Variants in CARD14 observed in about 807,000 individuals in gnomAD.
The protein encoded by CARD14 is caspase recruitment domain-containing protein 14.
In CARD14, 107 loss-of-function variants were observed where a neutral mutation model predicts 111.5. The observed-to-expected ratio is 0.96, with a 90% CI of 0.82 to 1.13. The LOEUF (loss-of-function observed/expected upper bound fraction) is 1.13. CARD14 is among the 50% of genes most tolerant of loss of function. The probability of loss-of-function intolerance (pLI) is 0.00; values close to 1 mark genes in which losing one functional copy is unlikely to be tolerated. For missense variants in CARD14, 1,322 were observed against 1,362.3 expected (o/e 0.97, Z 0.47); for synonymous variants, 617 against 579.6 (o/e 1.06, Z -0.93).
rs2041131423 is a variant in CARD14, at chr17:80,203,963, G to T, written c.2283+78G>T. On this transcript the variant is annotated intron_variant, in intron 19 of 23. Coordinates refer to ENST00000648509, the MANE Select transcript of CARD14 (RefSeq NM_001366385.1). This position sits in a 1 kb window ranked among gnomAD's most constrained non-coding sequence, Gnocchi z 4.6. ...CTCGGTGCTGGCAGGGTGGCAGGAG[G>T]CACTGTGTGGAGAGTGGGCTGCTGA... The T allele has an allele frequency of 1.6e-6, 2 of 1,213,364 alleles. No individual in the cohort carries two copies. The highest frequency in any genetic ancestry group is 2.3e-6 in the Non-Finnish European group (2 of 852,244). 75.2% of individuals were successfully genotyped at this position (1,213,364 alleles called of 1,614,324 possible). A position where few individuals can be genotyped will look rare whatever the true frequency, so the allele number is the denominator to read the frequency against.
At chr17:80,183,712 C>T (rs1406011498) in intron 6 of CARD14, among the ~76,000 whole-genome samples, 3 of 152,168 alleles carry the variant, frequency 2.0e-5, no homozygotes, top group Non-Finnish European at 2.9e-5. Flanking sequence ...ACCGGCCCAT[C>T]TGTGCACCTG....
rs555499258 is a variant in CARD14, at chr17:80,182,382, C to T, written c.212-271C>T. Among the ~76,000 whole-genome samples, 6 of 152,360 alleles carry T rather than the reference C, an allele frequency of 3.9e-5. No individual in the cohort carries two copies. The highest frequency in any genetic ancestry group is 7.2e-5 in the African/African-American group (3 of 41,590). ...CACCCCGTCCCGGTCCCCCCGCACT[C>T]GCCAGAGCACTGGGGTTGCAGTAGT... On this transcript the variant is annotated intron_variant, in intron 5 of 23. Coordinates refer to ENST00000648509, the MANE Select transcript of CARD14 (RefSeq NM_001366385.1). The surrounding 1 kb of genome is among the most constrained non-coding windows in gnomAD (Gnocchi z 4.7).
At chr17:80,191,552 GC>G in intron 11 of CARD14, 80 bp downstream of exon 11, 5 of 1,538,114 alleles carry the variant, frequency 3.3e-6, no homozygotes, top group Middle Eastern at 2.3e-4. Flanking sequence ...CTCCAGGGTG[GC>G]CCATGGAGGC....
In CARD14 at chr17:80,181,338, T is replaced by C. The variant is rs930019207; in HGVS notation, c.-20-81T>C. The C allele has an allele frequency of 2.8e-5, 30 of 1,057,106 alleles. No individual in the cohort carries two copies. In the African/African-American group the frequency reaches 4.0e-4, roughly 14 times the overall value. 65.5% of individuals were successfully genotyped at this position (1,057,106 alleles called of 1,614,324 possible). ...GCGCCTTGCTAATTTTACGATGGAGTTGATTTTAAAACGGTGTCACCCTGG... is the reference window on the plus strand; with the variant it reads ...GCGCCTTGCTAATTTTACGATGGAGCTGATTTTAAAACGGTGTCACCCTGG... On this transcript the variant is annotated intron_variant, in intron 4 of 23. Coordinates refer to ENST00000648509, the MANE Select transcript of CARD14 (RefSeq NM_001366385.1).
At chr17:80,207,419 C>T (rs904326230) in intron 23 of CARD14, among the ~76,000 whole-genome samples, 1 of 152,140 alleles carries the variant, frequency 6.6e-6, no homozygotes, top group Non-Finnish European at 1.5e-5. Context: ...GGTGTGGCGG[C>T]GGGCGCCTGT....
chr17:80,207,134 C>G lies in CARD14; in HGVS notation c.2807+49C>G, dbSNP rs780918685. On this transcript the variant is annotated intron_variant, in intron 23 of 23. Coordinates refer to ENST00000648509, the MANE Select transcript of CARD14 (RefSeq NM_001366385.1). Reference sequence around the variant, plus strand: ...CAGGGGCTTCGAAGCGGCTCCTGGGCTCCCCCAAAGCCCACGGCAGGTGCC... The same window carrying G: ...CAGGGGCTTCGAAGCGGCTCCTGGGGTCCCCCAAAGCCCACGGCAGGTGCC... 1.3e-5 allele frequency: 18 copies of G among 1,406,376 alleles called. No individual in the cohort carries two copies. The South Asian group carries it at 1.3e-4, about 10-fold the overall frequency. 87.1% of individuals were successfully genotyped at this position (1,406,376 alleles called of 1,614,324 possible).
chr17:80,198,322 G>A lies in CARD14; in HGVS notation c.1659-77G>A. Reference sequence around the variant, plus strand: ...AGAATTCCAGAACACTGGGGCCAGAGGGAAGCAATGGGGAGGTGGCCTTGC... The same window carrying A: ...AGAATTCCAGAACACTGGGGCCAGAAGGAAGCAATGGGGAGGTGGCCTTGC... On this transcript the variant is annotated intron_variant, in intron 15 of 23. Coordinates refer to ENST00000648509, the MANE Select transcript of CARD14 (RefSeq NM_001366385.1). This position sits in a 1 kb window ranked among gnomAD's most constrained non-coding sequence, Gnocchi z 7.5. 1 of 1,562,640 alleles carries A rather than the reference G, an allele frequency of 6.4e-7. No homozygotes were observed. Among genetic ancestry groups the A allele is most frequent in the Non-Finnish European group, 8.7e-7 (1 of 1,151,314 alleles).
At chr17:80,172,655 T>C (rs1337636885) in intron 1 of CARD14, among the ~76,000 whole-genome samples, 1 of 152,078 alleles carries the variant, frequency 6.6e-6, no homozygotes, top group Non-Finnish European at 1.5e-5. Flanking sequence ...AAACCGAGTC[T>C]GTATTGAGAG....
At chr17:80,202,561 A>G in intron 18 of CARD14, 141 bp downstream of exon 18, 10 of 1,450,694 alleles carry the variant, frequency 6.9e-6, no homozygotes, top group Non-Finnish European at 8.1e-6. Flanking sequence ...GCCTGCCAAG[A>G]TCACTGCTGA....
At chr17:80,197,533 A>C (rs1381065991) in intron 14 of CARD14, 1 of 131,042 alleles carries the variant, frequency 7.6e-6, no homozygotes, top group Non-Finnish European at 1.6e-5. Context: ...ACTCTGTCTC[A>C]AAAAAAAAAA....
chr17:80,206,458 T>A (rs1206409068), intron 22 of CARD14, among the ~76,000 whole-genome samples: 2 of 151,056 alleles, frequency 1.3e-5, no homozygotes, highest in Non-Finnish European at 3.0e-5. Flanking sequence ...CTACAAAACA[T>A]TTAAAAGCTA....
At chr17:80,178,998 G>GCAA (rs1166654050) in intron 3 of CARD14, 106 bp from the exon 4 acceptor site, 1 of 152,222 alleles carries the variant, frequency 6.6e-6, no homozygotes, top group Non-Finnish European at 1.5e-5. Flanking sequence ...TGCCCGCCTT[G>GCAA]GCCTCCCAAA....
chr17:80,195,269 C>T lies in CARD14; in HGVS notation c.1435C>T (p.Pro479Ser). The T allele has an allele frequency of 6.2e-7, 1 of 1,612,964 alleles. No homozygotes were observed. Among genetic ancestry groups the T allele is most frequent in the African/African-American group, 1.3e-5 (1 of 75,056 alleles). The change falls in exon 13 of 24, where the codon CCC becomes TCC. Residue 479 changes from proline to serine, a missense_variant. By Grantham distance (74) the Pro-to-Ser change is moderately conservative. Transcript: ENST00000648509. This position sits in a 1 kb window ranked among gnomAD's most constrained non-coding sequence, Gnocchi z 4.7. ...CTTCCGCTCCAGCAGCCCCGCGCCC[C>T]CCAGCCAGCAGTCCCTGTACAAGCG... is the stretch of plus-strand genomic sequence containing the variant. The part of the protein sequence containing the change: ...DSFRSSSPAP[P>S]SQQSLYKRVA...
intron 7 of CARD14, chr17:80,187,925 C>A (rs1483920940): frequency 7.1e-6 from 7 of 985,766 alleles, no homozygotes; most frequent in South Asian, 4.7e-5. Flanking sequence ...CGTTCCCAGG[C>A]ACGTCTACCC....
intron 9 of CARD14, 148 bp from the exon 10 acceptor site, chr17:80,190,626 A>G (rs1217995796): frequency 6.0e-5 from 50 of 840,088 alleles, no homozygotes; most frequent in Middle Eastern, 5.5e-4. Flanking sequence ...AAAAAAAAAA[A>G]AAAGAGAGAG....
chr17:80,204,911 C>G, intron 20 of CARD14, 124 bp from the exon 21 acceptor site: 1 of 796,664 alleles, frequency 1.3e-6, no homozygotes, highest in Non-Finnish European at 1.9e-6. Flanking sequence ...GAGCCTGTGC[C>G]CCTGGAATTC....
chr17:80,189,771 G>A lies in CARD14; in HGVS notation c.862G>A (p.Glu288Lys). The change falls in exon 9 of 24, where the codon GAG (glutamate) becomes AAG (lysine). Residue 288 changes from glutamate (E) to lysine (K), a missense_variant. By Grantham distance (56) the Glu-to-Lys change is moderately conservative. Transcript: ENST00000648509. This position sits in a 1 kb window ranked among gnomAD's most constrained non-coding sequence, Gnocchi z 4.7. The stretch of plus-strand genomic sequence containing the variant: ...GCCCCAGGCGGAGAAGGACATTCTG[G>A]AGCAGAGCCTGGACGAGGCGCGGGG... ...TFSLAEKDIL[E>K]QSLDEARGSR... The A allele has an allele frequency of 3.8e-6, 6 of 1,584,430 alleles. No individual in the cohort carries two copies. The South Asian group carries it at 6.8e-5, about 18-fold the overall frequency.
Position 80,204,262 on chromosome 17 carries a change from C to A in CARD14, c.2319C>A (p.Ile773=), listed in dbSNP as rs747692472. 1 of 1,598,694 alleles carries A rather than the reference C, an allele frequency of 6.3e-7. No homozygotes were observed. Among genetic ancestry groups the A allele is most frequent in the South Asian group, 1.1e-5 (1 of 90,092 alleles). The change falls in exon 20 of 24, where the codon ATC becomes ATA. Residue 773 remains isoleucine, a synonymous_variant. Transcript: ENST00000648509. The part of the protein sequence containing the change: ...SSGGPQKLVR[I]VSMDKAKASP... ...GGGGACCACAGAAGCTGGTCCGCATCGTCAGTATGGACAAAGCCAAGGCCA... is the reference window on the plus strand; with the variant it reads ...GGGGACCACAGAAGCTGGTCCGCATAGTCAGTATGGACAAAGCCAAGGCCA...
intron 2 of CARD14, among the ~76,000 whole-genome samples, chr17:80,174,839 C>T (rs2039987198): frequency 6.6e-6 from 1 of 152,128 alleles, no homozygotes; most frequent in Admixed American, 6.6e-5. Context: ...TCTTCAGCTG[C>T]CCAAACAGTA....
Sources: gnomAD v4.1 joint callset for allele counts (sites outside exome capture counted in the v4.1 genomes callset) on GRCh38, gnomAD v4.1.1 for gene constraint, Gnocchi (gnomAD v3.1) non-coding constraint, MANE v1.5 for transcripts, NCBI Gene and HGNC (gene_info 2026-07-23, HGNC 2026-07-21) for gene names.